Variants in FBN1 observed in about 807,000 individuals in gnomAD.
FBN1 encodes fibrillin-1.
A neutral mutation model predicts 365.1 loss-of-function variants in FBN1; 29 were observed. The observed-to-expected ratio is 0.08, with a 90% CI of 0.06 to 0.11. FBN1 has a LOEUF of 0.11. Among genes scored for constraint, FBN1 ranks in the 10% least tolerant of loss-of-function variants. FBN1 has a pLI of 1.00. For synonymous variants in FBN1, 1,210 were observed against 1,270.5 expected (o/e 0.95, Z 1.01); for missense variants, 2,476 against 3,703.2 (o/e 0.67, Z 8.60).
chr15:48,598,169 T>G (rs1310740093), intron 5 of FBN1, among the ~76,000 whole-genome samples: 1 of 152,198 alleles, frequency 6.6e-6, no homozygotes, highest in Non-Finnish European at 1.5e-5. Context: ...AGTAAACACA[T>G]GGGCTATGGA....
intron 6 of FBN1, among the ~76,000 whole-genome samples, chr15:48,542,349 T>A (rs1431511548): frequency 2.0e-5 from 3 of 152,172 alleles, no homozygotes; most frequent in Non-Finnish European, 4.4e-5. Context: ...TTTAAATCCT[T>A]CTTTTCATAA....
At position 48,441,841 on chromosome 15, in the gene FBN1, C is replaced by T. The variant is rs768457461; in HGVS notation, c.6043G>A (p.Asp2015Asn). 6.8e-6 allele frequency: 11 copies of T among 1,613,154 alleles called. No homozygotes were observed. The highest frequency in any genetic ancestry group is 9.3e-6 in the Non-Finnish European group (11 of 1,179,562). ...ATTTCTGGCTCTTCGACACACTCAT[C>T]AATATCTAAAAGAATCACATGAGTC... Reference protein sequence around the residue: ...SLQNEKCEDIDECVEEPEICA... With the variant: ...SLQNEKCEDINECVEEPEICA... Residue 2015 changes from aspartate (D) to asparagine (N), a missense_variant, in exon 50 of 66, where the codon GAT becomes AAT. Asp to Asn is a conservative substitution (Grantham distance 23, BLOSUM62 1). This residue lies in a region of FBN1 where 1,780 missense variants were observed against 2,840.8 expected (regional missense o/e 0.63). Transcript: ENST00000316623.
chr15:48,492,380 T>C (rs2043567264), intron 24 of FBN1, 81 bp downstream of exon 24: 1 of 1,394,532 alleles, frequency 7.2e-7, no homozygotes. Context: ...TGAAGCTAAG[T>C]GCTCAGCTAT....
At chr15:48,634,852 A>AC (rs1285084133) in intron 2 of FBN1, among the ~76,000 whole-genome samples, 9 of 116,388 alleles carry the variant, frequency 7.7e-5, no homozygotes, top group African/African-American at 4.2e-4. Context: ...AAAAAAAAAA[A>AC]AAAACCACAC....
intron 6 of FBN1, among the ~76,000 whole-genome samples, chr15:48,560,411 G>A (rs763267117): frequency 6.6e-6 from 1 of 152,286 alleles, no homozygotes; most frequent in East Asian, 1.9e-4. Context: ...AGGATTAAAT[G>A]TGATAATACG....
At chr15:48,450,992 C>G (rs2043197113) in intron 45 of FBN1, among the ~76,000 whole-genome samples, 1 of 152,214 alleles carries the variant, frequency 6.6e-6, no homozygotes, top group South Asian at 2.1e-4. Flanking sequence ...AGTTAATTCC[C>G]TTTCTTCTGA....
chr15:48,524,481 G>T (rs532086490), intron 9 of FBN1, among the ~76,000 whole-genome samples: 22 of 152,290 alleles, frequency 1.4e-4, no homozygotes, highest in Admixed American at 1.2e-3. Flanking sequence ...GGTCTCTGTT[G>T]CTTACCATGG....
chr15:48,546,626 G>A (rs2044095623), intron 6 of FBN1, among the ~76,000 whole-genome samples: 1 of 152,220 alleles, frequency 6.6e-6, no homozygotes, highest in Non-Finnish European at 1.5e-5. Context: ...TGAGGAGTCT[G>A]GATCTGGCTC....
At chr15:48,417,143 C>T (rs781466918) in intron 63 of FBN1, among the ~76,000 whole-genome samples, 2 of 152,120 alleles carry the variant, frequency 1.3e-5, no homozygotes, top group African/African-American at 2.4e-5. Context: ...AGAGACGCTC[C>T]ACATTTAAGC....
At chr15:48,478,511 TG>T (rs1426411110) in intron 32 of FBN1, among the ~76,000 whole-genome samples, 1 of 152,148 alleles carries the variant, frequency 6.6e-6, no homozygotes, top group Non-Finnish European at 1.5e-5. Flanking sequence ...AAGCACATGA[TG>T]GGAGGTAGGG....
At chr15:48,462,760 T>C (rs554451553) in intron 42 of FBN1, among the ~76,000 whole-genome samples, 1 of 152,188 alleles carries the variant, frequency 6.6e-6, no homozygotes, top group South Asian at 2.1e-4. Context: ...TACTGTCACA[T>C]TGATTTGTCT....
intron 20 of FBN1, 106 bp downstream of exon 20, chr15:48,495,994 G>T: frequency 7.1e-7 from 1 of 1,412,144 alleles, no homozygotes; most frequent in Non-Finnish European, 1.0e-6. Flanking sequence ...AACTAAACTG[G>T]CATAACTGTC....
intron 46 of FBN1, 28 bp downstream of exon 46, chr15:48,448,739 GA>G: frequency 6.2e-7 from 1 of 1,604,862 alleles, no homozygotes; most frequent in Non-Finnish European, 8.5e-7. Flanking sequence ...AACAGCATAT[GA>G]AAAAAATAAT....
intron 8 of FBN1, among the ~76,000 whole-genome samples, chr15:48,530,747 T>G (rs2141349644): frequency 6.6e-6 from 1 of 152,304 alleles, no homozygotes; most frequent in South Asian, 2.1e-4. Flanking sequence ...GAGATAAATA[T>G]GCTATTATTT....
Position 48,489,358 on chromosome 15 carries a change from A to T in FBN1, c.3082+493T>A, listed in dbSNP as rs2043536506. On this transcript the variant is annotated intron_variant, in intron 25 of 65. Transcript: ENST00000316623. Reference sequence around the variant, plus strand: ...GCCACCGCATCCAGCTCAAGATCTCATTAATATAATTTAAAGAGCTTCTTG... The same window carrying T: ...GCCACCGCATCCAGCTCAAGATCTCTTTAATATAATTTAAAGAGCTTCTTG... 2.6e-5 allele frequency among the ~76,000 whole-genome samples: 4 copies of T among 152,126 alleles called. No individual in the cohort carries two copies. The South Asian group carries it at 8.3e-4, about 32-fold the overall frequency.
chr15:48,617,260 C>T (rs368645078), intron 2 of FBN1, among the ~76,000 whole-genome samples: 5 of 152,020 alleles, frequency 3.3e-5, no homozygotes, highest in African/African-American at 1.2e-4. Flanking sequence ...CCTCAACCTC[C>T]GCCTCCCGGG....
At chr15:48,481,075 A>T (rs1298589332) in intron 32 of FBN1, among the ~76,000 whole-genome samples, 1 of 152,214 alleles carries the variant, frequency 6.6e-6, no homozygotes, top group Non-Finnish European at 1.5e-5. Flanking sequence ...CTCATGTGCT[A>T]TTGGTAACAG....
At chr15:48,568,001 G>GAAAGAAAGAAAA (rs1597609525) in intron 6 of FBN1, among the ~76,000 whole-genome samples, 1 of 73,028 alleles carries the variant, frequency 1.4e-5, no homozygotes, top group African/African-American at 7.5e-5. Flanking sequence ...ATACAGATAA[G>GAAAGAAAGAAAA]AAAGAAAGAA....
chr15:48,437,539 A>C (rs933968357), intron 51 of FBN1, 152 bp from the exon 52 acceptor site: 59 of 824,218 alleles, frequency 7.2e-5, no homozygotes, highest in Non-Finnish European at 1.1e-4. Context: ...TTATTTAACG[A>C]GACTCCCTAA....
Sources: gnomAD v4.1 joint callset for allele counts (sites outside exome capture counted in the v4.1 genomes callset) on GRCh38, gnomAD v4.1.1 for gene constraint, gnomAD v4.1.1 regional missense constraint, MANE v1.5 for transcripts, NCBI Gene and HGNC (gene_info 2026-07-23, HGNC 2026-07-21) for gene names.